Variants in PAIP2 observed in about 807,000 individuals in gnomAD.
The protein encoded by PAIP2 is polyadenylate-binding protein-interacting protein 2.
Under a neutral mutation model 14.8 loss-of-function variants are expected in PAIP2, and 7 were observed. The ratio of observed to expected loss-of-function variants is 0.47; its 90% CI spans 0.27 to 0.89. The LOEUF is 0.89. Ranked by LOEUF, PAIP2 falls within the 40% of genes least tolerant of loss-of-function variation. PAIP2 has a pLI of 0.13. For synonymous variants in PAIP2, 47 were observed against 45.3 expected (o/e 1.04, Z -0.15); for missense variants, 122 against 154.7 (o/e 0.79, Z 1.12).
intron 1 of PAIP2, among the ~76,000 whole-genome samples, chr5:139,351,315 T>C (rs1348067151): frequency 7.2e-6 from 1 of 139,070 alleles, no homozygotes; most frequent in South Asian, 2.2e-4. Context: ...TTGTCTCTAC[T>C]AAAAAAAAAA....
chr5:139,345,694 C>G (rs745737726), intron 1 of PAIP2, among the ~76,000 whole-genome samples: 26 of 147,106 alleles, frequency 1.8e-4, no homozygotes, highest in Non-Finnish European at 3.0e-4. Flanking sequence ...GTGGCATGAT[C>G]TCATTTCACT....
chr5:139,368,541 G>GA (rs1317913129), intron 3 of PAIP2, among the ~76,000 whole-genome samples, 192 bp from the exon 4 acceptor site: 1 of 151,500 alleles, frequency 6.6e-6, no homozygotes, highest in African/African-American at 2.4e-5. Flanking sequence ...AAAAAGAAAA[G>GA]AAAAAGTTGA....
chr5:139,362,877 T>C (rs1209465033), intron 1 of PAIP2, among the ~76,000 whole-genome samples: 1 of 152,128 alleles, frequency 6.6e-6, no homozygotes, highest in Non-Finnish European at 1.5e-5. Context: ...ATATGTAATA[T>C]AAAATATAAA....
At position 139,364,544 on chromosome 5, in the gene PAIP2, A is replaced by G. The variant is rs761202200; in HGVS notation, c.139-20A>G. ...ATATCTACCAAGTGTGCTATAAATT[A>G]TCCTTTATTATAAATCTAGATAGAA... On this transcript the variant is annotated intron_variant, in intron 2 of 3. Coordinates refer to ENST00000265192, the MANE Select transcript of PAIP2 (RefSeq NM_016480.5). The G allele has an allele frequency of 6.9e-7, 1 of 1,449,828 alleles. No homozygotes were observed. The highest frequency in any genetic ancestry group is 1.2e-5 in the South Asian group (1 of 86,264). The allele number at this position is 1,449,828 out of a possible 1,614,324, so 89.8% of individuals were successfully genotyped here. A position where few individuals can be genotyped will look rare whatever the true frequency, so the allele number is the denominator to read the frequency against.
intron 1 of PAIP2, among the ~76,000 whole-genome samples, chr5:139,356,533 GT>G (rs1326111551): frequency 6.6e-6 from 1 of 151,944 alleles, no homozygotes; most frequent in Non-Finnish European, 1.5e-5. Context: ...TTTTTTGCCT[GT>G]GTATGGGCCA....
intron 1 of PAIP2, among the ~76,000 whole-genome samples, chr5:139,362,425 T>TTTTG (rs1483515719): frequency 6.8e-6 from 1 of 147,366 alleles, no homozygotes; most frequent in African/African-American, 2.5e-5. Flanking sequence ...TTTTTTTTTT[T>TTTTG]TTGAGATGGA....
chr5:139,364,590 A>G lies in PAIP2; in HGVS notation c.165A>G (p.Glu55=), dbSNP rs1175624547. The part of the protein sequence containing the change: ...RQIEEELWEE[E]FIERCFQEML... ...TAGAAGAGGAGTTATGGGAAGAAGAATTTATTGAACGCTGTTTCCAAGAAA... is the reference window on the plus strand; with the variant it reads ...TAGAAGAGGAGTTATGGGAAGAAGAGTTTATTGAACGCTGTTTCCAAGAAA... Residue 55 remains glutamate (E), a synonymous_variant, in exon 3 of 4, where the codon GAA becomes GAG. Transcript: ENST00000265192. 1.9e-6 allele frequency: 3 copies of G among 1,606,676 alleles called. No individual in the cohort carries two copies. The highest frequency in any genetic ancestry group is 1.3e-5 in the African/African-American group (1 of 74,794).
intron 1 of PAIP2, among the ~76,000 whole-genome samples, chr5:139,354,177 C>T (rs531163182): frequency 3.3e-5 from 5 of 152,292 alleles, no homozygotes; most frequent in South Asian, 2.1e-4. Context: ...TCAGCCTGAA[C>T]GACTCACTTT....
intron 1 of PAIP2, among the ~76,000 whole-genome samples, chr5:139,362,966 C>T (rs186490278): frequency 3.9e-5 from 6 of 152,126 alleles, no homozygotes; most frequent in Admixed American, 1.3e-4. Flanking sequence ...TGTGGCCGGG[C>T]GTGGTGGCGC....
At position 139,341,893 on chromosome 5, in the gene PAIP2, C is replaced by A. The variant is rs1756388043; in HGVS notation, c.-114C>A. On this transcript the variant is annotated 5_prime_UTR_variant, in exon 1 of 4. Coordinates refer to ENST00000265192, the MANE Select transcript of PAIP2 (RefSeq NM_016480.5). ...GAGAAGGGAGGCGGCGGGCGAAGCG[C>A]ACGTCGAGCGGGGGAGCGGCGCTGC... is the stretch of plus-strand genomic sequence containing the variant. 6.5e-6 allele frequency: 1 copy of A among 152,894 alleles called. No homozygotes were observed. Among genetic ancestry groups the A allele is most frequent in the Non-Finnish European group, 1.5e-5 (1 of 68,264 alleles). 9.5% of individuals were successfully genotyped at this position (152,894 alleles called of 1,614,324 possible). A position where few individuals can be genotyped will look rare whatever the true frequency, so the allele number is the denominator to read the frequency against.
rs148317745 is a variant in PAIP2 at position 139,352,986 on chromosome 5, C to T, written c.-26-10773C>T. Among the ~76,000 whole-genome samples, 7 of 151,900 alleles carry T rather than the reference C, an allele frequency of 4.6e-5. No individual in the cohort carries two copies. In the East Asian group the frequency reaches 1.4e-3, roughly 30 times the overall value. On this transcript the variant is annotated intron_variant, in intron 1 of 3. Transcript: ENST00000265192. ...ACAAAGTTAGCCGGGCGTGGTGGAGCATGCCTGTAATCCCAGCTGCTCCGG... is the reference window on the plus strand; with the variant it reads ...ACAAAGTTAGCCGGGCGTGGTGGAGTATGCCTGTAATCCCAGCTGCTCCGG...
At position 139,347,936 on chromosome 5, in the gene PAIP2, C is replaced by T. The variant is rs536739650; in HGVS notation, c.-27+5956C>T. Among the ~76,000 whole-genome samples the T allele has an allele frequency of 8.5e-5, 13 of 152,176 alleles. No homozygotes were observed. The East Asian group carries it at 1.5e-3, about 18-fold the overall frequency. On this transcript the variant is annotated intron_variant, in intron 1 of 3. Coordinates refer to ENST00000265192, the MANE Select transcript of PAIP2 (RefSeq NM_016480.5). ...TCTGTAATCCCAGCACTTCGGGAGG[C>T]CGAGGTGGGCGGATCACCTGAGTTC...
chr5:139,355,832 G>A (rs571975596), intron 1 of PAIP2, among the ~76,000 whole-genome samples: 33 of 151,934 alleles, frequency 2.2e-4, no homozygotes, highest in East Asian at 1.4e-3. Flanking sequence ...ACTCCAGCCT[G>A]GGCAACACAG....
rs199918986 is a variant in PAIP2 at position 139,363,834 on chromosome 5, A to G, written c.50A>G (p.Asp17Gly). Residue 17 changes from aspartate to glycine, a missense_variant, in exon 2 of 4, where the codon GAT becomes GGT. Asp to Gly is a moderately conservative substitution (Grantham distance 94, BLOSUM62 -1). Coordinates refer to ENST00000265192, the MANE Select transcript of PAIP2 (RefSeq NM_016480.5). ...ACTAGCCCAAGCATCATCAATGAAG[A>G]TGTGATTATTAACGGTCATTCTCAT... The part of the protein sequence containing the change: ...SSTSPSIINE[D>G]VIINGHSHED... 23 of 1,613,906 alleles carry G rather than the reference A, an allele frequency of 1.4e-5. No individual in the cohort carries two copies. Among genetic ancestry groups the G allele is most frequent in the Non-Finnish European group, 1.9e-5 (23 of 1,179,842 alleles).
chr5:139,345,626 A>ATTT (rs34133705), intron 1 of PAIP2, among the ~76,000 whole-genome samples: 1 of 138,964 alleles, frequency 7.2e-6, no homozygotes, highest in Non-Finnish European at 1.6e-5. Context: ...CTATGCTTGA[A>ATTT]TTTTTTTTTT....
At chr5:139,345,107 G>A (rs539615193) in intron 1 of PAIP2, among the ~76,000 whole-genome samples, 14 of 151,572 alleles carry the variant, frequency 9.2e-5, no homozygotes, top group South Asian at 2.1e-4. Flanking sequence ...GTGCAGTGGC[G>A]CGATCTCGGC....
intron 1 of PAIP2, among the ~76,000 whole-genome samples, chr5:139,352,502 G>GTTTTT (rs536704901): frequency 1.3e-5 from 1 of 76,154 alleles, no homozygotes; most frequent in Non-Finnish European, 3.3e-5. Context: ...TTTTTTTGTT[G>GTTTTT]TTTTTTTTTT....
intron 1 of PAIP2, among the ~76,000 whole-genome samples, chr5:139,345,616 C>T (rs1000217972): frequency 4.0e-5 from 6 of 150,864 alleles, no homozygotes; most frequent in Non-Finnish European, 7.4e-5. Context: ...CAGAAGAGAA[C>T]TATGCTTGAA....
chr5:139,364,433 T>C, intron 2 of PAIP2, 131 bp from the exon 3 acceptor site: 2 of 554,298 alleles, frequency 3.6e-6, no homozygotes, highest in South Asian at 3.0e-5. Context: ...TAAGCATTTT[T>C]TTTCCTTAGC....
Sources: gnomAD v4.1 joint callset for allele counts (sites outside exome capture counted in the v4.1 genomes callset) on GRCh38, gnomAD v4.1.1 for gene constraint, MANE v1.5 for transcripts, NCBI Gene and HGNC (gene_info 2026-07-23, HGNC 2026-07-21) for gene names.